Variants in LRP1B observed in about 807,000 individuals in gnomAD.
The protein encoded by LRP1B is LDL receptor related protein 1B.
Under a neutral mutation model 556.6 loss-of-function variants are expected in LRP1B, and 217 were observed. The ratio of observed to expected loss-of-function variants is 0.39; its 90% CI spans 0.35 to 0.44. The LOEUF is 0.44. Among genes scored for constraint, LRP1B ranks in the 20% least tolerant of loss-of-function variants. The pLI is 1.00. For missense variants in LRP1B, 5,053 were observed against 5,620.8 expected, an observed-to-expected ratio of 0.90 and a Z score of 3.23; for synonymous variants, 2,047 against 1,865.8, an observed-to-expected ratio of 1.10 and a Z score of -2.50.
At chr2:141,364,356 C>A (rs1259273676) in intron 3 of LRP1B, among the ~76,000 whole-genome samples, 1 of 151,468 alleles carries the variant, frequency 6.6e-6, no homozygotes, top group Non-Finnish European at 1.5e-5. Context: ...AAATCACGCA[C>A]ACACACGTAG....
At chr2:141,846,882 T>C (rs1417073198) in intron 1 of LRP1B, among the ~76,000 whole-genome samples, 1 of 151,408 alleles carries the variant, frequency 6.6e-6, no homozygotes, top group African/African-American at 2.4e-5. Context: ...AATGCTACAT[T>C]TGGAGAAAAA....
At chr2:141,757,061 G>T (rs754555427) in intron 2 of LRP1B, among the ~76,000 whole-genome samples, 3 of 151,908 alleles carry the variant, frequency 2.0e-5, no homozygotes, top group Non-Finnish European at 1.5e-5. Context: ...GCTTCTAAAG[G>T]TTTAATATTT....
intron 20 of LRP1B, among the ~76,000 whole-genome samples, chr2:140,940,565 A>G (rs1202204495): frequency 2.6e-5 from 4 of 152,148 alleles, no homozygotes; most frequent in Admixed American, 6.6e-5. Flanking sequence ...ACATAAATAT[A>G]AATGGTCAGA....
At chr2:141,327,460 C>T (rs1055907417) in intron 3 of LRP1B, among the ~76,000 whole-genome samples, 1 of 152,054 alleles carries the variant, frequency 6.6e-6, no homozygotes, top group African/African-American at 2.4e-5. Context: ...GATAAGCAAA[C>T]TGAGTCTCGG....
At chr2:140,914,786 T>C (rs1000411039) in intron 21 of LRP1B, among the ~76,000 whole-genome samples, 1 of 152,090 alleles carries the variant, frequency 6.6e-6, no homozygotes, top group African/African-American at 2.4e-5. Flanking sequence ...AATGTGAGAA[T>C]TCATAAGAAA....
intron 11 of LRP1B, among the ~76,000 whole-genome samples, chr2:141,025,552 A>G (rs539866647): frequency 6.6e-6 from 1 of 152,104 alleles, no homozygotes; most frequent in South Asian, 2.1e-4. Flanking sequence ...CAATCAGTTG[A>G]AGGCCTTAAG....
intron 3 of LRP1B, among the ~76,000 whole-genome samples, chr2:141,328,991 A>G (rs1003130): frequency 0.59 from 90,061 of 152,016 alleles, 27,801 homozygotes; most frequent in African/African-American, 0.72. Context: ...TAGCAATACA[A>G]AAGGGTCATG....
intron 16 of LRP1B, among the ~76,000 whole-genome samples, chr2:140,989,940 T>A (rs1432120543): frequency 1.3e-5 from 2 of 152,102 alleles, no homozygotes; most frequent in Non-Finnish European, 1.5e-5. Context: ...GCGTGGTGGC[T>A]CACGCCTGTA....
intron 43 of LRP1B, among the ~76,000 whole-genome samples, chr2:140,567,934 A>C: frequency 6.6e-6 from 1 of 152,154 alleles, no homozygotes; most frequent in East Asian, 1.9e-4. Context: ...CTGAGTCATC[A>C]CACCCTTCGT....
chr2:141,115,315 G>A (rs780894081), intron 7 of LRP1B, among the ~76,000 whole-genome samples: 8 of 152,072 alleles, frequency 5.3e-5, no homozygotes, highest in Non-Finnish European at 1.0e-4. Flanking sequence ...ACATGTGATA[G>A]GAATAGACAA....
At chr2:140,974,177 C>T (rs1696520042) in intron 18 of LRP1B, among the ~76,000 whole-genome samples, 1 of 152,146 alleles carries the variant, frequency 6.6e-6, no homozygotes, top group Non-Finnish European at 1.5e-5. Context: ...CAGATCTTAG[C>T]TCCATGAAGA....
chr2:140,523,793 C>T (rs1367971745), intron 49 of LRP1B, among the ~76,000 whole-genome samples: 2 of 151,850 alleles, frequency 1.3e-5, no homozygotes, highest in Non-Finnish European at 2.9e-5. Flanking sequence ...AACTGGACTC[C>T]TACCTCTTAT....
At chr2:140,979,957 C>A (rs1696719398) in intron 18 of LRP1B, among the ~76,000 whole-genome samples, 1 of 152,026 alleles carries the variant, frequency 6.6e-6, no homozygotes, top group Non-Finnish European at 1.5e-5. Flanking sequence ...GCCCTCCCAA[C>A]CCTTCTTCGC....
rs139736474 is a variant in LRP1B at position 140,590,397 on chromosome 2, C to T, written c.7194+8234G>A. ...TCCTATAGAAAATGATTTATAGTGG[C>T]TATGGACTGAACTGTGCCTCCTTGC... On this transcript the variant is annotated intron_variant, in intron 43 of 90. Coordinates refer to ENST00000389484, the MANE Select transcript of LRP1B (RefSeq NM_018557.3). 6.2e-3 allele frequency among the ~76,000 whole-genome samples: 930 copies of T among 150,810 alleles called. 10 individuals carry two copies. Among genetic ancestry groups the T allele is most frequent in the African/African-American group, 0.021 (868 of 41,168 alleles).
chr2:141,409,199 G>A (rs560901996), intron 3 of LRP1B, among the ~76,000 whole-genome samples: 17 of 152,238 alleles, frequency 1.1e-4, no homozygotes, highest in South Asian at 8.3e-4. Context: ...CTTGACACAC[G>A]TTAAGTTATA....
chr2:141,475,820 C>A (rs1468651847), intron 3 of LRP1B, among the ~76,000 whole-genome samples: 1 of 152,070 alleles, frequency 6.6e-6, no homozygotes, highest in Non-Finnish European at 1.5e-5. Flanking sequence ...AGATCATCTC[C>A]CCACACCATC....
chr2:140,716,107 G>A lies in LRP1B; in HGVS notation c.5894-5C>T, dbSNP rs778054843. On this transcript the variant is annotated splice_polypyrimidine_tract_variant and splice_region_variant and intron_variant, in intron 36 of 90. Transcript: ENST00000389484. ...GATCTGTCCAATATATGTTACCTAG[G>A]AGAAATAATAGAGGTGTTTATAATA... 7.0e-6 allele frequency: 11 copies of A among 1,578,038 alleles called. No homozygotes were observed. Among genetic ancestry groups the A allele is most frequent in the African/African-American group, 6.8e-5 (5 of 73,770 alleles).
At chr2:141,844,827 G>A (rs1021165322) in intron 1 of LRP1B, among the ~76,000 whole-genome samples, 1 of 151,550 alleles carries the variant, frequency 6.6e-6, no homozygotes, top group African/African-American at 2.4e-5. Context: ...TTTCTTATTA[G>A]ACAATTTCAA....
At chr2:141,762,135 A>C (rs1249455921) in intron 2 of LRP1B, among the ~76,000 whole-genome samples, 1 of 151,976 alleles carries the variant, frequency 6.6e-6, no homozygotes, top group Non-Finnish European at 1.5e-5. Flanking sequence ...GATTGGGTGA[A>C]GCTGACACTA....
Sources: gnomAD v4.1 joint callset for allele counts (sites outside exome capture counted in the v4.1 genomes callset) on GRCh38, gnomAD v4.1.1 for gene constraint, MANE v1.5 for transcripts, NCBI Gene and HGNC (gene_info 2026-07-23, HGNC 2026-07-21) for gene names.